FAM78B: variants seen among roughly 807,000 people sequenced by gnomAD.
The protein encoded by FAM78B is protein FAM78B.
Under a neutral mutation model 20.0 loss-of-function variants are expected in FAM78B, and 10 were observed. The ratio of observed to expected loss-of-function variants is 0.50; its 90% CI spans 0.31 to 0.85. The LOEUF (loss-of-function observed/expected upper bound fraction) is 0.85, where lower values mean the gene tolerates loss of function less well. Among genes scored for constraint, FAM78B ranks in the 40% least tolerant of loss-of-function variants. The probability of loss-of-function intolerance (pLI) is 0.05; values close to 1 mark genes in which losing one functional copy is unlikely to be tolerated. For synonymous variants in FAM78B, 135 were observed against 132.8 expected, an observed-to-expected ratio of 1.02 and a Z score of -0.12; for missense variants, 283 against 345.0, an observed-to-expected ratio of 0.82 and a Z score of 1.42.
At chr1:166,097,071 A>G (rs913672412) in intron 1 of FAM78B, among the ~76,000 whole-genome samples, 1 of 152,186 alleles carries the variant, frequency 6.6e-6, no homozygotes, top group Non-Finnish European at 1.5e-5. Context: ...CAGGAAAGGG[A>G]GACGCTCCTC....
chr1:166,164,151 T>G (rs1210245288), intron 1 of FAM78B, among the ~76,000 whole-genome samples: 1 of 152,256 alleles, frequency 6.6e-6, no homozygotes, highest in African/African-American at 2.4e-5. Context: ...CATAAGAGAT[T>G]TGAGGCAACA....
intron 1 of FAM78B, among the ~76,000 whole-genome samples, chr1:166,133,858 T>C (rs1654973190): frequency 6.6e-6 from 1 of 152,226 alleles, no homozygotes; most frequent in Admixed American, 6.5e-5. Context: ...CTAAACATTA[T>C]TATTTATTGA....
intron 1 of FAM78B, among the ~76,000 whole-genome samples, chr1:166,072,820 G>A (rs1426267988): frequency 2.0e-5 from 3 of 152,292 alleles, no homozygotes; most frequent in South Asian, 4.1e-4. Flanking sequence ...GTGGCGTATT[G>A]CCTGGGGAAT....
At chr1:166,123,595 A>G (rs1378988194) in intron 1 of FAM78B, among the ~76,000 whole-genome samples, 1 of 152,196 alleles carries the variant, frequency 6.6e-6, no homozygotes, top group Non-Finnish European at 1.5e-5. Flanking sequence ...GGACTTTTTC[A>G]TTTGCAAATA....
At chr1:166,093,697 C>T (rs75274370) in intron 1 of FAM78B, among the ~76,000 whole-genome samples, 205 of 151,502 alleles carry the variant, frequency 1.4e-3, no homozygotes, top group African/African-American at 4.7e-3. Flanking sequence ...TCTGATCAGC[C>T]GAGGCTTCTC....
chr1:166,090,323 C>A (rs1471379487), intron 1 of FAM78B, among the ~76,000 whole-genome samples: 1 of 152,230 alleles, frequency 6.6e-6, no homozygotes, highest in East Asian at 1.9e-4. Context: ...TCATCACAAT[C>A]ATCTGTCCAC....
chr1:166,120,099 G>A (rs1009754849), intron 1 of FAM78B, among the ~76,000 whole-genome samples: 1 of 152,192 alleles, frequency 6.6e-6, no homozygotes, highest in Non-Finnish European at 1.5e-5. Flanking sequence ...GGGCTGCCGA[G>A]AATCAAAGAT....
intron 1 of FAM78B, among the ~76,000 whole-genome samples, chr1:166,113,650 C>T (rs1654144986): frequency 6.6e-6 from 1 of 152,210 alleles, no homozygotes; most frequent in Admixed American, 6.5e-5. Flanking sequence ...GCCACACCTG[C>T]CACCCTTCTG....
intron 1 of FAM78B, among the ~76,000 whole-genome samples, chr1:166,161,323 T>C (rs979813664): frequency 1.3e-5 from 2 of 152,144 alleles, no homozygotes; most frequent in African/African-American, 4.8e-5. Flanking sequence ...CTTTTTGGAA[T>C]TTTTAGTAGA....
intron 1 of FAM78B, among the ~76,000 whole-genome samples, chr1:166,091,399 A>C (rs1227425760): frequency 6.6e-6 from 1 of 152,154 alleles, no homozygotes; most frequent in African/African-American, 2.4e-5. Context: ...GATGGTGAAT[A>C]AGTCTCACGA....
At chr1:166,150,614 A>G (rs1655637582) in intron 1 of FAM78B, among the ~76,000 whole-genome samples, 1 of 152,208 alleles carries the variant, frequency 6.6e-6, no homozygotes, top group South Asian at 2.1e-4. Context: ...AAAACTGCAA[A>G]AAGAGTTACG....
At chr1:166,127,447 C>T (rs55869798) in intron 1 of FAM78B, among the ~76,000 whole-genome samples, 2 of 152,146 alleles carry the variant, frequency 1.3e-5, no homozygotes, top group African/African-American at 2.4e-5. Flanking sequence ...CATGGAGAGT[C>T]CAACTTCCTT....
At chr1:166,120,950 A>G (rs562356029) in intron 1 of FAM78B, among the ~76,000 whole-genome samples, 2 of 152,348 alleles carry the variant, frequency 1.3e-5, no homozygotes, top group East Asian at 3.9e-4. Context: ...ACATAAGTCA[A>G]TACAGTAACA....
intron 1 of FAM78B, among the ~76,000 whole-genome samples, chr1:166,134,445 C>T (rs1000281860): frequency 6.6e-6 from 1 of 151,962 alleles, no homozygotes; most frequent in Non-Finnish European, 1.5e-5. Context: ...TGAGTACCCC[C>T]TAGCTTTTCC....
chr1:166,087,869 T>C (rs1361263307), intron 1 of FAM78B, among the ~76,000 whole-genome samples: 1 of 152,184 alleles, frequency 6.6e-6, no homozygotes, highest in African/African-American at 2.4e-5. Context: ...CTGACCTGGC[T>C]ACTAGCAGGC....
At chr1:166,110,247 C>A (rs2101757689) in intron 1 of FAM78B, among the ~76,000 whole-genome samples, 1 of 151,574 alleles carries the variant, frequency 6.6e-6, no homozygotes, top group South Asian at 2.1e-4. Context: ...ACCACCTGTA[C>A]CCCAATAACT....
At chr1:166,065,151 T>C (rs1296659992), downstream of FAM78B, among the ~76,000 whole-genome samples, 4 of 152,134 alleles carry the variant, frequency 2.6e-5, no homozygotes, top group South Asian at 2.1e-4. Flanking sequence ...TGATAAACAG[T>C]AGTGGCTGGA....
rs1409811170 is a variant in FAM78B, at chr1:166,166,541, G to A, written c.-293C>T. 1 of 151,776 alleles carries A rather than the reference G, an allele frequency of 6.6e-6. No individual in the cohort carries two copies. The highest frequency in any genetic ancestry group is 1.9e-4 in the East Asian group (1 of 5,186). The allele number at this position is 151,776 out of a possible 1,614,324, so 9.4% of individuals were successfully genotyped here. A position where few individuals can be genotyped will look rare whatever the true frequency, so the allele number is the denominator to read the frequency against. ...GGTGCCCTCGCCGGCTCCAGCGCCC[G>A]GGCGGAGGGCAGGGAGGGGAGCGGC... On this transcript the variant is annotated 5_prime_UTR_variant, in exon 1 of 2. Transcript: ENST00000354422.
At position 166,165,966 on chromosome 1, in the gene FAM78B, CCG is replaced by C; in HGVS notation, c.263+18_263+19del. 6.2e-7 allele frequency: 1 copy of C among 1,613,180 alleles called. No homozygotes were observed. The highest frequency in any genetic ancestry group is 8.5e-7 in the Non-Finnish European group (1 of 1,179,778). On this transcript the variant is annotated intron_variant, in intron 1 of 1. Transcript: ENST00000354422. ...TGGGGGCCCAGAGTCCGCTCCCGTGCCGCGCGGCGAGTCGCTTACATGCCCAG... is the reference window on the plus strand; with the variant it reads ...TGGGGGCCCAGAGTCCGCTCCCGTGCCGCGGCGAGTCGCTTACATGCCCAG...
Sources: allele counts gnomAD v4.1 joint callset (sites outside exome capture counted in the v4.1 genomes callset), GRCh38; gene constraint gnomAD v4.1.1; transcripts MANE v1.5; gene names NCBI Gene and HGNC (gene_info 2026-07-23, HGNC 2026-07-21).